The following PCDH9 variants were observed in gnomAD, a reference collection of about 807,000 sequenced individuals.
The protein encoded by PCDH9 is protocadherin 9.
A neutral mutation model predicts 70.6 loss-of-function variants in PCDH9; 24 were observed. The ratio of observed to expected loss-of-function variants is 0.34; its 90% CI spans 0.25 to 0.48. The LOEUF is 0.48. Among genes scored for constraint, PCDH9 ranks in the 20% least tolerant of loss-of-function variants. The pLI is 0.99. For synonymous variants in PCDH9, 562 were observed against 558.5 expected (o/e 1.01, Z -0.09); for missense variants, 1,281 against 1,503.6 (o/e 0.85, Z 2.45).
chr13:66,487,567 A>G (rs1166229730), intron 4 of PCDH9, among the ~76,000 whole-genome samples: 1 of 152,168 alleles, frequency 6.6e-6, no homozygotes, highest in African/African-American at 2.4e-5. Context: ...CAATGTCCAT[A>G]TAATATTCCA....
chr13:66,632,658 C>T (rs112598100), intron 3 of PCDH9, among the ~76,000 whole-genome samples: 1,546 of 152,160 alleles, frequency 0.01, 30 homozygotes, highest in African/African-American at 0.035. Context: ...TTGGAAAATG[C>T]TCTTTTAGCT....
chr13:66,667,075 C>T (rs949829061), intron 3 of PCDH9, among the ~76,000 whole-genome samples: 5 of 151,924 alleles, frequency 3.3e-5, no homozygotes, highest in Non-Finnish European at 5.9e-5. Flanking sequence ...ACTGTCAGCA[C>T]ATTTAATCTA....
intron 4 of PCDH9, among the ~76,000 whole-genome samples, chr13:66,321,054 CAGGCAGAGCTT>C (rs1955744491): frequency 6.6e-6 from 1 of 152,012 alleles, no homozygotes; most frequent in South Asian, 2.1e-4. Flanking sequence ...ACAAACACCT[CAGGCAGAGCTT>C]AAGACATATA....
At chr13:67,129,382 T>C (rs1223093050) in intron 2 of PCDH9, among the ~76,000 whole-genome samples, 1 of 152,132 alleles carries the variant, frequency 6.6e-6, no homozygotes, top group African/African-American at 2.4e-5. Context: ...ATGATAGACA[T>C]GTGCATAAAA....
chr13:66,850,528 A>T (rs1234911778), intron 3 of PCDH9, among the ~76,000 whole-genome samples: 1 of 151,146 alleles, frequency 6.6e-6, no homozygotes, highest in Non-Finnish European at 1.5e-5. Context: ...ACAGAAAAAA[A>T]AAAAATGTAA....
At chr13:66,696,863 A>T (rs769748281) in intron 3 of PCDH9, among the ~76,000 whole-genome samples, 5 of 146,358 alleles carry the variant, frequency 3.4e-5, no homozygotes, top group Non-Finnish European at 7.4e-5. Context: ...GCACTTTGAG[A>T]GGCCAAGATG....
At chr13:66,849,507 T>TGGG (rs2081275101) in intron 3 of PCDH9, among the ~76,000 whole-genome samples, 1 of 90,038 alleles carries the variant, frequency 1.1e-5, no homozygotes, top group Non-Finnish European at 2.1e-5. Context: ...TATATATATA[T>TGGG]ATATATATAT....
chr13:66,326,070 C>A (rs2781782), intron 4 of PCDH9, among the ~76,000 whole-genome samples: 140,496 of 152,166 alleles, frequency 0.92, 65,931 homozygotes, highest in East Asian at 1. Context: ...AAACTCCAAC[C>A]GCCTTGTTTT....
chr13:67,228,566 G>A lies in PCDH9; in HGVS notation c.-126C>T, dbSNP rs1298543856. The A allele has an allele frequency of 4.4e-6, 3 of 682,536 alleles. No individual in the cohort carries two copies. Among genetic ancestry groups the A allele is most frequent in the Non-Finnish European group, 4.7e-6 (2 of 423,572 alleles). The allele number at this position is 682,536 out of a possible 1,614,324, so 42.3% of individuals were successfully genotyped here. On this transcript the variant is annotated 5_prime_UTR_variant, in exon 2 of 5. Coordinates refer to ENST00000377865, the MANE Select transcript of PCDH9 (RefSeq NM_203487.3). ...TGCATTATATCTCATCACTTATTTG[G>A]AGACAGCCGCTGTCAACACAATTGT...
At chr13:66,518,915 A>T (rs1353187762) in intron 4 of PCDH9, among the ~76,000 whole-genome samples, 1 of 152,210 alleles carries the variant, frequency 6.6e-6, no homozygotes, top group Admixed American at 6.5e-5. Flanking sequence ...AGAAAGGCCC[A>T]AGGGCATAAT....
At chr13:66,972,306 A>T (rs2139750036) in intron 2 of PCDH9, among the ~76,000 whole-genome samples, 1 of 152,114 alleles carries the variant, frequency 6.6e-6, no homozygotes, top group Non-Finnish European at 1.5e-5. Context: ...TACCAAATAT[A>T]CAAGAATAAT....
At chr13:66,554,049 T>C (rs769833244) in intron 4 of PCDH9, among the ~76,000 whole-genome samples, 17 of 152,150 alleles carry the variant, frequency 1.1e-4, no homozygotes, top group African/African-American at 2.2e-4. Flanking sequence ...ATGATGTCAA[T>C]AGGACATTTC....
At position 67,225,518 on chromosome 13, in the gene PCDH9, C is replaced by T. The variant is rs2089835076; in HGVS notation, c.2923G>A (p.Gly975Arg). The T allele has an allele frequency of 6.2e-7, 1 of 1,613,908 alleles. No individual in the cohort carries two copies. Among genetic ancestry groups the T allele is most frequent in the African/African-American group, 1.3e-5 (1 of 74,898 alleles). ...QELPLDNTFV[G>R]GCDTLSKRSS... Reference sequence around the variant, plus strand: ...CGTTTAGAAAGGGTGTCACAACCCCCAACAAAGGTGTTGTCCAAAGGGAGT... The same window carrying T: ...CGTTTAGAAAGGGTGTCACAACCCCTAACAAAGGTGTTGTCCAAAGGGAGT... Residue 975 changes from glycine (G) to arginine (R), a missense_variant, in exon 2 of 5, where the codon GGG (glycine) becomes AGG (arginine). This residue lies in a region of PCDH9 where 207 missense variants were observed against 191.8 expected (regional missense o/e 1.08). Coordinates refer to ENST00000377865, the MANE Select transcript of PCDH9 (RefSeq NM_203487.3).
At chr13:67,026,828 A>G (rs953203161) in intron 2 of PCDH9, among the ~76,000 whole-genome samples, 3 of 151,974 alleles carry the variant, frequency 2.0e-5, no homozygotes, top group African/African-American at 7.2e-5. Flanking sequence ...CTTCAAAGAG[A>G]ATAAAATACC....
intron 3 of PCDH9, among the ~76,000 whole-genome samples, chr13:66,684,415 T>C (rs1469902728): frequency 6.6e-6 from 1 of 152,184 alleles, no homozygotes; most frequent in East Asian, 1.9e-4. Context: ...AAATCTCATC[T>C]TGTAGTTCCC....
chr13:67,220,383 T>C (rs897318863), intron 2 of PCDH9: 5 of 152,138 alleles, frequency 3.3e-5, no homozygotes, highest in South Asian at 2.1e-4. Context: ...ATATAAATCA[T>C]AGTTAATTAT....
At position 66,620,747 on chromosome 13, in the gene PCDH9, T is replaced by C. The variant is rs76508687; in HGVS notation, c.3340+10463A>G. On this transcript the variant is annotated intron_variant, in intron 4 of 4. Transcript: ENST00000377865. ...TATAAAATCTTCATAGCATCACTGC[T>C]TCATAGCTCATAGAACAAAATTGCA... 1.1e-3 allele frequency among the ~76,000 whole-genome samples: 173 copies of C among 152,262 alleles called. 3 individuals are homozygous for C. The East Asian group carries it at 0.029, about 26-fold the overall frequency.
intron 4 of PCDH9, among the ~76,000 whole-genome samples, chr13:66,516,267 T>C (rs1465648893): frequency 2.0e-5 from 3 of 151,922 alleles, no homozygotes; most frequent in Non-Finnish European, 4.4e-5. Flanking sequence ...GACAATCACG[T>C]ATATAGTAGT....
intron 2 of PCDH9, among the ~76,000 whole-genome samples, chr13:66,956,434 T>C (rs937248292): frequency 1.3e-5 from 2 of 152,184 alleles, no homozygotes; most frequent in African/African-American, 4.8e-5. Context: ...CAAAAAGCCA[T>C]AGCTGTGACT....
Sources: allele counts gnomAD v4.1 joint callset (sites outside exome capture counted in the v4.1 genomes callset), GRCh38; gene constraint gnomAD v4.1.1; regional missense constraint gnomAD v4.1.1; transcripts MANE v1.5; gene names NCBI Gene and HGNC (gene_info 2026-07-23, HGNC 2026-07-21).